Variants in CPD observed in about 807,000 individuals in gnomAD.
CPD encodes the protein carboxypeptidase D.
In CPD, 69 loss-of-function variants were observed where a neutral mutation model predicts 138.3. That is an observed-to-expected ratio of 0.50 (90% CI 0.41 to 0.61). The LOEUF is 0.61. CPD is among the 20% of genes least tolerant of loss of function. The pLI, the probability that CPD is intolerant of heterozygous loss-of-function variation, is 0.00. For missense variants in CPD, 1,432 were observed against 1,733.3 expected (o/e 0.83, Z 3.09); for synonymous variants, 651 against 642.1 (o/e 1.01, Z -0.21).
In CPD at chr17:30,423,676, G is replaced by A; in HGVS notation, c.1828G>A (p.Gly610Arg). 6.3e-7 allele frequency: 1 copy of A among 1,590,248 alleles called. No homozygotes were observed. ...CCTTATGCCATCCATGAATCCTGAT[G>A]GGTATGAAAAGTCCCAGGAAGGTAA... The part of the protein sequence containing the change: ...IHLMPSMNPD[G>R]YEKSQEGDSI... The change falls in exon 6 of 21, where the codon GGG (glycine) becomes AGG (arginine). Residue 610 changes from glycine to arginine, a missense_variant. Transcript: ENST00000225719.
chr17:30,444,516 C>CTTTTTTTT (rs34419729), intron 11 of CPD, among the ~76,000 whole-genome samples: 1 of 120,852 alleles, frequency 8.3e-6, no homozygotes, highest in Non-Finnish European at 1.7e-5. Flanking sequence ...ATGCTAGTAA[C>CTTTTTTTT]TTTTTTTTTT....
chr17:30,418,948 C>T (rs562285670), intron 2 of CPD, among the ~76,000 whole-genome samples: 2 of 152,292 alleles, frequency 1.3e-5, no homozygotes, highest in African/African-American at 4.8e-5. Flanking sequence ...TTCTTCTTTA[C>T]AAGTTTTTGG....
chr17:30,379,470 G>T lies in CPD; in HGVS notation c.490G>T (p.Asp164Tyr). The T allele has an allele frequency of 6.4e-7, 1 of 1,573,722 alleles. No homozygotes were observed. The highest frequency in any genetic ancestry group is 8.6e-7 in the Non-Finnish European group (1 of 1,166,468). The part of the protein sequence containing the change: ...RELAAGYRRG[D>Y]PRLVRLLNTT... Reference sequence around the variant, plus strand: ...GCTGGCGGCCGGCTACCGCCGCGGGGACCCGCGCCTGGTCCGCCTGCTCAA... The same window carrying T: ...GCTGGCGGCCGGCTACCGCCGCGGGTACCCGCGCCTGGTCCGCCTGCTCAA... The change falls in exon 1 of 21, where the codon GAC becomes TAC. Residue 164 changes from aspartate to tyrosine, a missense_variant. Physicochemically the swap from Asp to Tyr is radical, Grantham distance 160. Transcript: ENST00000225719. This position sits in a 1 kb window ranked among gnomAD's most constrained non-coding sequence, Gnocchi z 7.0.
intron 4 of CPD, 27 bp downstream of exon 4, chr17:30,421,860 T>A: frequency 6.5e-7 from 1 of 1,532,714 alleles, no homozygotes; most frequent in Non-Finnish European, 9.0e-7. Context: ...TGTAGACTCT[T>A]AGTTAAAATG....
At chr17:30,420,587 T>C (rs1300702073) in intron 2 of CPD, among the ~76,000 whole-genome samples, 1 of 152,232 alleles carries the variant, frequency 6.6e-6, no homozygotes, top group Non-Finnish European at 1.5e-5. Flanking sequence ...AACTGATATA[T>C]TCATACTTTT....
In CPD at chr17:30,465,347, A is replaced by G. The variant is rs1008592365; in HGVS notation, c.*533A>G. On this transcript the variant is annotated 3_prime_UTR_variant, in exon 21 of 21. Transcript: ENST00000225719. Reference sequence around the variant, plus strand: ...GGAGGTTGAATTGATTTTTAAACACATATAACAGTAGGAAATGAATAAATG... The same window carrying G: ...GGAGGTTGAATTGATTTTTAAACACGTATAACAGTAGGAAATGAATAAATG... 6.4e-6 allele frequency: 1 copy of G among 155,366 alleles called. No homozygotes were observed. The highest frequency in any genetic ancestry group is 1.4e-5 in the Non-Finnish European group (1 of 69,908). The allele number at this position is 155,366 out of a possible 1,614,324, so 9.6% of individuals were successfully genotyped here. A position where few individuals can be genotyped will look rare whatever the true frequency, so the allele number is the denominator to read the frequency against.
chr17:30,417,492 C>T (rs1419349489), intron 2 of CPD, among the ~76,000 whole-genome samples: 2 of 152,168 alleles, frequency 1.3e-5, no homozygotes, highest in Non-Finnish European at 2.9e-5. Flanking sequence ...CAACATGCCC[C>T]TTTCTGCTCA....
chr17:30,386,930 T>C (rs1911207407), intron 2 of CPD, among the ~76,000 whole-genome samples: 1 of 152,236 alleles, frequency 6.6e-6, no homozygotes, highest in Non-Finnish European at 1.5e-5. Context: ...TTCAGGTATC[T>C]GTATGAGTCC....
chr17:30,442,523 G>A (rs1912905405), intron 10 of CPD, 73 bp downstream of exon 10: 2 of 1,469,660 alleles, frequency 1.4e-6, no homozygotes, highest in Non-Finnish European at 9.4e-7. Context: ...CGTGGTTTTT[G>A]TGCAGTGATT....
chr17:30,412,831 T>C (rs899043934), intron 2 of CPD, among the ~76,000 whole-genome samples: 2 of 152,194 alleles, frequency 1.3e-5, no homozygotes, highest in African/African-American at 4.8e-5. Flanking sequence ...CCCCTTGCAC[T>C]TCCCAGTTGA....
At chr17:30,411,553 G>A (rs914069559) in intron 2 of CPD, among the ~76,000 whole-genome samples, 8 of 151,846 alleles carry the variant, frequency 5.3e-5, no homozygotes, top group South Asian at 2.1e-4. Flanking sequence ...GGCTTTTTTC[G>A]TTTCTTTTTA....
intron 6 of CPD, among the ~76,000 whole-genome samples, chr17:30,426,780 A>G (rs916569579): frequency 3.3e-5 from 5 of 152,186 alleles, no homozygotes; most frequent in African/African-American, 1.2e-4. Flanking sequence ...GTTTTGGGAA[A>G]GGTTGTTATC....
chr17:30,423,798 A>AT (rs926487675), intron 6 of CPD, 101 bp downstream of exon 6: 51 of 914,840 alleles, frequency 5.6e-5, no homozygotes, highest in Admixed American at 6.9e-5. Flanking sequence ...ATTTCTTCCA[A>AT]TTTTTTTTCC....
At chr17:30,404,025 T>A (rs1911743157) in intron 2 of CPD, among the ~76,000 whole-genome samples, 1 of 152,180 alleles carries the variant, frequency 6.6e-6, no homozygotes, top group Non-Finnish European at 1.5e-5. Context: ...ATATACTATA[T>A]GATTTTATTT....
chr17:30,401,499 T>C (rs1046955844), intron 2 of CPD, among the ~76,000 whole-genome samples: 6 of 151,842 alleles, frequency 4.0e-5, no homozygotes, highest in Non-Finnish European at 7.4e-5. Context: ...TTATTATTAT[T>C]GTGAGACAGA....
At chr17:30,436,984 T>A (rs1056363490) in intron 8 of CPD, among the ~76,000 whole-genome samples, 1 of 152,188 alleles carries the variant, frequency 6.6e-6, no homozygotes, top group African/African-American at 2.4e-5. Context: ...ACAACTTGAA[T>A]GAACCTTAAA....
intron 2 of CPD, among the ~76,000 whole-genome samples, chr17:30,407,342 C>T (rs1400091104): frequency 2.0e-5 from 3 of 152,024 alleles, no homozygotes; most frequent in African/African-American, 4.8e-5. Flanking sequence ...GTAATAGGAT[C>T]GCTGGGTCAA....
intron 2 of CPD, among the ~76,000 whole-genome samples, chr17:30,418,639 A>G (rs1255608007): frequency 6.6e-6 from 1 of 152,228 alleles, no homozygotes; most frequent in Admixed American, 6.5e-5. Flanking sequence ...GTACATTTAC[A>G]TTGCTGTACA....
At chr17:30,381,865 T>G (rs1027472286) in intron 1 of CPD, among the ~76,000 whole-genome samples, 2 of 152,210 alleles carry the variant, frequency 1.3e-5, no homozygotes, top group African/African-American at 4.8e-5. Flanking sequence ...ATATGTAAAA[T>G]TTTAAGGCTT....
Sources: allele counts gnomAD v4.1 joint callset (sites outside exome capture counted in the v4.1 genomes callset), GRCh38; gene constraint gnomAD v4.1.1; non-coding constraint Gnocchi (gnomAD v3.1); transcripts MANE v1.5; gene names NCBI Gene and HGNC (gene_info 2026-07-23, HGNC 2026-07-21).